ARHGAP5: variants seen among roughly 807,000 people sequenced by gnomAD.
ARHGAP5 encodes Rho GTPase activating protein 5, also known as rho GTPase-activating protein 5.
In ARHGAP5, 23 loss-of-function variants were observed where a neutral mutation model predicts 116.6. The ratio of observed to expected loss-of-function variants is 0.20; its 90% CI spans 0.14 to 0.28. The LOEUF is 0.28. ARHGAP5 is among the 10% of genes least tolerant of loss of function. ARHGAP5 has a pLI of 1.00. For synonymous variants in ARHGAP5, 574 were observed against 602.0 expected, an observed-to-expected ratio of 0.95 and a Z score of 0.68; for missense variants, 1,405 against 1,774.8, an observed-to-expected ratio of 0.79 and a Z score of 3.74.
At chr14:32,154,456 A>G (rs1490055246) in intron 6 of ARHGAP5, 165 bp from the exon 7 acceptor site, 2 of 648,654 alleles carry the variant, frequency 3.1e-6, no homozygotes, top group Non-Finnish European at 2.6e-6. Flanking sequence ...GCCCAGGAAA[A>G]GTTTTTTACA....
intron 5 of ARHGAP5, among the ~76,000 whole-genome samples, chr14:32,151,056 G>A (rs966423051): frequency 1.3e-5 from 2 of 152,112 alleles, no homozygotes; most frequent in Non-Finnish European, 2.9e-5. Context: ...TAAGTTCTCA[G>A]TGATTCTTTT....
intron 3 of ARHGAP5, among the ~76,000 whole-genome samples, chr14:32,123,474 A>G (rs907232423): frequency 1.3e-5 from 2 of 152,062 alleles, no homozygotes; most frequent in Admixed American, 1.3e-4. Context: ...CTTTGGGCAT[A>G]TAAAATTTAT....
In ARHGAP5 at chr14:32,093,728, C is replaced by T; in HGVS notation, c.3059C>T (p.Pro1020Leu). ...YRLDLEGNEYPIHSTPNCHDH... is the reference protein window; with the variant it reads ...YRLDLEGNEYLIHSTPNCHDH... ...TTAGATTTGGAAGGAAATGAGTATCCTATTCATAGTACCCCAAACTGTCAT... is the reference window on the plus strand; with the variant it reads ...TTAGATTTGGAAGGAAATGAGTATCTTATTCATAGTACCCCAAACTGTCAT... The change falls in exon 2 of 7, where the codon CCT (proline) becomes CTT (leucine). Residue 1020 changes from proline (P) to leucine (L), a missense_variant. This residue lies in a region of ARHGAP5 where 944 missense variants were observed against 1,095.3 expected (regional missense o/e 0.86). Coordinates refer to ENST00000345122, the MANE Select transcript of ARHGAP5 (RefSeq NM_001030055.2). 1 of 1,614,042 alleles carries T rather than the reference C, an allele frequency of 6.2e-7. No individual in the cohort carries two copies. Among genetic ancestry groups the T allele is most frequent in the Non-Finnish European group, 8.5e-7 (1 of 1,179,964 alleles).
intron 2 of ARHGAP5, among the ~76,000 whole-genome samples, chr14:32,111,839 A>ATT (rs34512246): frequency 0.014 from 1,310 of 93,164 alleles, 68 homozygotes; most frequent in African/African-American, 0.046. Context: ...TTCTTCTTTG[A>ATT]TTTTTTTTTT....
intron 1 of ARHGAP5, among the ~76,000 whole-genome samples, chr14:32,087,958 T>A (rs1180380307): frequency 6.6e-6 from 1 of 152,080 alleles, no homozygotes; most frequent in Non-Finnish European, 1.5e-5. Context: ...CATGACTTAA[T>A]GCCTCCACTC....
rs1222557486 is a variant in ARHGAP5, at chr14:32,154,878, A to G, written c.4439A>G (p.Gln1480Arg). 6.2e-7 allele frequency: 1 copy of G among 1,614,030 alleles called. No homozygotes were observed. Among genetic ancestry groups the G allele is most frequent in the African/African-American group, 1.3e-5 (1 of 75,042 alleles). Reference sequence around the variant, plus strand: ...TTGGTGGAACCAATGGTGCCACTTCAGTTGCCGCCACCATTGCAACCTCAG... The same window carrying G: ...TTGGTGGAACCAATGGTGCCACTTCGGTTGCCGCCACCATTGCAACCTCAG... ...GQLVEPMVPL[Q>R]LPPPLQPQLI... Residue 1480 changes from glutamine (Q) to arginine (R), a missense_variant, in exon 7 of 7, where the codon CAG (glutamine) becomes CGG (arginine). Coordinates refer to ENST00000345122, the MANE Select transcript of ARHGAP5 (RefSeq NM_001030055.2).
chr14:32,157,254 A>G lies in ARHGAP5; in HGVS notation c.*2306A>G, dbSNP rs781569158. The stretch of plus-strand genomic sequence containing the variant: ...TGAATTGATTGTGTTTGTTTTTGCC[A>G]AGGGTTTAGATATGCTTTTAAATAT... On this transcript the variant is annotated 3_prime_UTR_variant, in exon 7 of 7. Coordinates refer to ENST00000345122, the MANE Select transcript of ARHGAP5 (RefSeq NM_001030055.2). 7 of 152,138 alleles carry G rather than the reference A, an allele frequency of 4.6e-5. No homozygotes were observed. The highest frequency in any genetic ancestry group is 5.9e-5 in the Non-Finnish European group (4 of 67,740). 9.4% of individuals were successfully genotyped at this position (152,138 alleles called of 1,614,324 possible).
intron 1 of ARHGAP5, among the ~76,000 whole-genome samples, chr14:32,077,836 G>A (rs2041725191): frequency 6.6e-6 from 1 of 152,138 alleles, no homozygotes; most frequent in Admixed American, 6.5e-5. Context: ...CCGGGTTGCT[G>A]CTGTTAACGA....
intron 3 of ARHGAP5, among the ~76,000 whole-genome samples, 198 bp from the exon 4 acceptor site, chr14:32,146,065 T>G (rs943395560): frequency 6.6e-6 from 1 of 151,956 alleles, no homozygotes; most frequent in Non-Finnish European, 1.5e-5. Context: ...CATGCCACCA[T>G]GCCCAGCTAA....
At chr14:32,082,775 A>G (rs1315089999) in intron 1 of ARHGAP5, among the ~76,000 whole-genome samples, 1 of 152,190 alleles carries the variant, frequency 6.6e-6, no homozygotes, top group Non-Finnish European at 1.5e-5. Context: ...CCTGACCTCA[A>G]GTGATCTGCT....
Position 32,092,327 on chromosome 14 carries a change from C to T in ARHGAP5, c.1658C>T (p.Thr553Ile). 1 of 1,613,782 alleles carries T rather than the reference C, an allele frequency of 6.2e-7. No individual in the cohort carries two copies. The highest frequency in any genetic ancestry group is 8.5e-7 in the Non-Finnish European group (1 of 1,179,816). Residue 553 changes from threonine to isoleucine, a missense_variant, in exon 2 of 7, where the codon ACT becomes ATT. This residue lies in a region of ARHGAP5 where 944 missense variants were observed against 1,095.3 expected (regional missense o/e 0.86). Transcript: ENST00000345122. This position sits in a 1 kb window ranked among gnomAD's most constrained non-coding sequence, Gnocchi z 4.1. ...LKHIGFVYHP[T>I]KETCLSGQNC... ...CATATAGGATTTGTTTATCATCCCA[C>T]TAAAGAAACATGTCTTAGTGGCCAA...
rs1881997696 is a variant in ARHGAP5, at chr14:32,158,658, T to C, written c.*3710T>C. Reference sequence around the variant, plus strand: ...AGTTTCTAATTTGTTTCAATACATATGGGACATGGTTGATTTTTTTACTGT... The same window carrying C: ...AGTTTCTAATTTGTTTCAATACATACGGGACATGGTTGATTTTTTTACTGT... On this transcript the variant is annotated 3_prime_UTR_variant, in exon 7 of 7. Transcript: ENST00000345122. 1 of 151,966 alleles carries C rather than the reference T, an allele frequency of 6.6e-6. No individual in the cohort carries two copies. Among genetic ancestry groups the C allele is most frequent in the Non-Finnish European group, 1.5e-5 (1 of 67,860 alleles). 9.4% of individuals were successfully genotyped at this position (151,966 alleles called of 1,614,324 possible).
chr14:32,091,663 A>G lies in ARHGAP5; in HGVS notation c.994A>G (p.Arg332Gly). The G allele has an allele frequency of 6.2e-7, 1 of 1,610,110 alleles. No homozygotes were observed. The highest frequency in any genetic ancestry group is 8.5e-7 in the Non-Finnish European group (1 of 1,178,664). Reference protein sequence around the residue: ...HIEQLKQEHIRKRREEYINTL... With the variant: ...HIEQLKQEHIGKRREEYINTL... ...AGAACAACTTAAACAGGAACATATA[A>G]GAAAAAGGAGAGAAGAGTATATAAA... is the stretch of plus-strand genomic sequence containing the variant. Residue 332 changes from arginine to glycine, a missense_variant, in exon 2 of 7, where the codon AGA (arginine) becomes GGA (glycine). By Grantham distance (125) the Arg-to-Gly change is moderately radical (BLOSUM62 -2). Around this residue, in one of 6 missense-constraint regions of ARHGAP5, gnomAD observed 944 missense variants for 1,095.3 expected, o/e 0.86. Coordinates refer to ENST00000345122, the MANE Select transcript of ARHGAP5 (RefSeq NM_001030055.2).
intron 4 of ARHGAP5, 34 bp downstream of exon 4, chr14:32,146,374 G>A: frequency 2.0e-6 from 3 of 1,470,690 alleles, no homozygotes; most frequent in Non-Finnish European, 2.8e-6. Flanking sequence ...AAAAATTGTT[G>A]TTTTATGTTT....
chr14:32,128,102 C>T (rs888158830), intron 3 of ARHGAP5, among the ~76,000 whole-genome samples: 15 of 150,272 alleles, frequency 1.0e-4, no homozygotes, highest in Admixed American at 2.0e-4. Flanking sequence ...CGGGCAGAGT[C>T]GCTCCCCACA....
At position 32,117,223 on chromosome 14, in the gene ARHGAP5, G is replaced by C; in HGVS notation, c.3801G>C (p.Leu1267=). 6.2e-7 allele frequency: 1 copy of C among 1,611,842 alleles called. No individual in the cohort carries two copies. Among genetic ancestry groups the C allele is most frequent in the Admixed American group, 1.7e-5 (1 of 60,000 alleles). ...ACTTTGGGATGCCCCTCCAGGATCT[G>C]GTTACAGCTGAGAAGCCCATACCAC... ...SNYFGMPLQD[L]VTAEKPIPLF... is the part of the protein sequence containing the mutation. Residue 1267 remains leucine, a synonymous_variant, in exon 3 of 7, where the codon CTG becomes CTC. Coordinates refer to ENST00000345122, the MANE Select transcript of ARHGAP5 (RefSeq NM_001030055.2).
At chr14:32,132,427 G>T (rs1348440179) in intron 3 of ARHGAP5, among the ~76,000 whole-genome samples, 1 of 152,048 alleles carries the variant, frequency 6.6e-6, no homozygotes, top group African/African-American at 2.4e-5. Context: ...CTTTTTGATG[G>T]GGTTGTTTGT....
chr14:32,090,382 T>C (rs1878184615), intron 1 of ARHGAP5, 120 bp from the exon 2 acceptor site: 3 of 419,818 alleles, frequency 7.1e-6, no homozygotes, highest in Non-Finnish European at 4.2e-6. Context: ...TGTAGTTACC[T>C]CTTAAAATAC....
chr14:32,125,230 A>G (rs1880086074), intron 3 of ARHGAP5, among the ~76,000 whole-genome samples: 1 of 152,178 alleles, frequency 6.6e-6, no homozygotes, highest in Admixed American at 6.5e-5. Context: ...GAATTTACTA[A>G]TTCTGGATAT....
Sources: allele counts gnomAD v4.1 joint callset (sites outside exome capture counted in the v4.1 genomes callset), GRCh38; gene constraint gnomAD v4.1.1; regional missense constraint gnomAD v4.1.1; non-coding constraint Gnocchi (gnomAD v3.1); transcripts MANE v1.5; gene names NCBI Gene and HGNC (gene_info 2026-07-23, HGNC 2026-07-21).